EVI5: variants seen among roughly 807,000 people sequenced by gnomAD.
EVI5 encodes ecotropic viral integration site 5, also known as ecotropic viral integration site 5 protein homolog.
A neutral mutation model predicts 112.0 loss-of-function variants in EVI5; 73 were observed. The observed-to-expected ratio is 0.65, with a 90% CI of 0.54 to 0.79. EVI5 has a LOEUF of 0.79. EVI5 is among the 30% of genes least tolerant of loss of function. The pLI, the probability that EVI5 is intolerant of heterozygous loss-of-function variation, is 0.00. For missense variants in EVI5, 900 were observed against 968.8 expected, an observed-to-expected ratio of 0.93 and a Z score of 0.94; for synonymous variants, 305 against 319.9, an observed-to-expected ratio of 0.95 and a Z score of 0.50.
intron 1 of EVI5, among the ~76,000 whole-genome samples, chr1:92,748,596 A>G (rs1679681841): frequency 6.6e-6 from 1 of 152,248 alleles, no homozygotes; most frequent in African/African-American, 2.4e-5. Flanking sequence ...CAAAATTAAA[A>G]TATTTAACAG....
intron 14 of EVI5, among the ~76,000 whole-genome samples, chr1:92,635,499 T>G (rs534151844): frequency 6.6e-6 from 1 of 152,314 alleles, no homozygotes; most frequent in South Asian, 2.1e-4. Context: ...CATAACCTCC[T>G]GGTGTGCTGT....
chr1:92,551,619 C>T lies in EVI5; in HGVS notation c.2166+12023G>A, dbSNP rs529458264. Among the ~76,000 whole-genome samples, 6 of 152,222 alleles carry T rather than the reference C, an allele frequency of 3.9e-5. No homozygotes were observed. In the South Asian group the frequency reaches 1.2e-3, roughly 32 times the overall value. On this transcript the variant is annotated intron_variant, in intron 19 of 19. Coordinates refer to ENST00000684568, the MANE Select transcript of EVI5 (RefSeq NM_001350197.2). ...AAATATGCATAATACTACAGTCATG[C>T]TAAAAGTTTAGATATAATTAAAATG...
At chr1:92,723,532 CTT>C (rs1675077406) in intron 2 of EVI5, among the ~76,000 whole-genome samples, 2 of 152,168 alleles carry the variant, frequency 1.3e-5, no homozygotes, top group Non-Finnish European at 2.9e-5. Context: ...AATCAATACT[CTT>C]ATAATTTCTT....
intron 16 of EVI5, among the ~76,000 whole-genome samples, chr1:92,615,208 T>C (rs1652850332): frequency 6.6e-6 from 1 of 152,118 alleles, no homozygotes; most frequent in Non-Finnish European, 1.5e-5. Context: ...CATAATACCT[T>C]TGACTATATG....
intron 1 of EVI5, among the ~76,000 whole-genome samples, chr1:92,752,934 G>T (rs756488357): frequency 2.6e-5 from 4 of 152,072 alleles, no homozygotes. Flanking sequence ...AATAGACATG[G>T]TCCTTTCCCT....
intron 1 of EVI5, among the ~76,000 whole-genome samples, chr1:92,767,036 T>A (rs1269291980): frequency 7.4e-6 from 1 of 135,970 alleles, no homozygotes; most frequent in East Asian, 2.2e-4. Context: ...TGAGCTGATA[T>A]CACACCACTG....
At chr1:92,601,071 G>T (rs1216068237) in intron 18 of EVI5, among the ~76,000 whole-genome samples, 1 of 152,164 alleles carries the variant, frequency 6.6e-6, no homozygotes, top group African/African-American at 2.4e-5. Flanking sequence ...AAAAACAAAT[G>T]CAATAAGCAT....
chr1:92,515,422 T>A (rs1299983939), intron 19 of EVI5, among the ~76,000 whole-genome samples: 1 of 152,222 alleles, frequency 6.6e-6, no homozygotes, highest in Admixed American at 6.5e-5. Flanking sequence ...TCACATACAA[T>A]TAAGTCATCA....
At chr1:92,693,755 G>T in intron 9 of EVI5, 47 bp downstream of exon 9, 1 of 998,222 alleles carries the variant, frequency 1.0e-6, no homozygotes, top group Non-Finnish European at 1.6e-6. Flanking sequence ...TCACTAGAAT[G>T]TTTTGCAACT....
At chr1:92,543,837 G>A (rs1423577119) in intron 19 of EVI5, among the ~76,000 whole-genome samples, 1 of 152,106 alleles carries the variant, frequency 6.6e-6, no homozygotes, top group Non-Finnish European at 1.5e-5. Context: ...TTGGAAAAAC[G>A]GCATTGAAAG....
At chr1:92,524,576 T>C (rs1174311484) in intron 19 of EVI5, among the ~76,000 whole-genome samples, 1 of 152,210 alleles carries the variant, frequency 6.6e-6, no homozygotes, top group Non-Finnish European at 1.5e-5. Flanking sequence ...AGGTGTTTTG[T>C]GGGATTCATC....
At chr1:92,609,213 T>C (rs1651169558) in intron 16 of EVI5, among the ~76,000 whole-genome samples, 1 of 152,212 alleles carries the variant, frequency 6.6e-6, no homozygotes, top group East Asian at 1.9e-4. Context: ...CATTTAACAG[T>C]TCTTAAAACT....
intron 14 of EVI5, among the ~76,000 whole-genome samples, chr1:92,632,276 C>G (rs994494222): frequency 1.3e-5 from 2 of 152,134 alleles, no homozygotes; most frequent in Admixed American, 1.3e-4. Flanking sequence ...CTCCTTGTAC[C>G]TCTGGTAGAA....
intron 14 of EVI5, among the ~76,000 whole-genome samples, chr1:92,630,528 T>A (rs1315885365): frequency 6.6e-6 from 1 of 152,350 alleles, no homozygotes; most frequent in African/African-American, 2.4e-5. Context: ...TGTTTTTTTC[T>A]TGTAAATTTG....
In EVI5 at chr1:92,665,956, T is replaced by C. The variant is rs1664813763; in HGVS notation, c.1195A>G (p.Ile399Val). The C allele has an allele frequency of 1.2e-6, 2 of 1,608,246 alleles. No homozygotes were observed. The highest frequency in any genetic ancestry group is 4.5e-5 in the East Asian group (2 of 44,720). Residue 399 changes from isoleucine to valine, a missense_variant, in exon 11 of 20, where the codon ATC becomes GTC. Ile to Val is a conservative substitution (Grantham distance 29). Coordinates refer to ENST00000684568, the MANE Select transcript of EVI5 (RefSeq NM_001350197.2). ...TTACTTACTTTTTCTAATGTCTCGA[T>C]GCGCTGTTTTAAAAGTCTATTTTCT... Reference protein sequence around the residue: ...RTENRLLKQRIETLEKESASL... With the variant: ...RTENRLLKQRVETLEKESASL...
At chr1:92,699,055 CCTT>C (rs1401535231) in intron 5 of EVI5, among the ~76,000 whole-genome samples, 3 of 152,150 alleles carry the variant, frequency 2.0e-5, no homozygotes, top group Non-Finnish European at 2.9e-5. Context: ...GATCTCCAGG[CCTT>C]CTTCTTACTG....
chr1:92,733,340 CTTTTT>C (rs1676798399), intron 2 of EVI5: 1 of 152,208 alleles, frequency 6.6e-6, no homozygotes, highest in African/African-American at 2.4e-5. Flanking sequence ...ACTACAATTT[CTTTTT>C]TTAATTCTTA....
intron 11 of EVI5, 85 bp downstream of exon 11, chr1:92,665,854 C>G: frequency 1.1e-6 from 1 of 933,206 alleles, no homozygotes. Flanking sequence ...GAGACATGTG[C>G]CAGAATTTTT....
intron 1 of EVI5, among the ~76,000 whole-genome samples, chr1:92,765,259 T>C (rs1682451691): frequency 6.7e-6 from 1 of 149,506 alleles, no homozygotes; most frequent in African/African-American, 2.5e-5. Flanking sequence ...CTCACCATGT[T>C]GCCCAGGCTG....
Sources: gnomAD v4.1 joint callset for allele counts (sites outside exome capture counted in the v4.1 genomes callset) on GRCh38, gnomAD v4.1.1 for gene constraint, MANE v1.5 for transcripts, NCBI Gene and HGNC (gene_info 2026-07-23, HGNC 2026-07-21) for gene names.